The following TRIM37 variants were observed in gnomAD, a reference collection of about 807,000 sequenced individuals.
TRIM37 encodes tripartite motif containing 37.
In TRIM37, 80 loss-of-function variants were observed where a neutral mutation model predicts 129.8. The ratio of observed to expected loss-of-function variants is 0.62; its 90% CI spans 0.51 to 0.74. The LOEUF is 0.74. Among genes scored for constraint, TRIM37 ranks in the 30% least tolerant of loss-of-function variants. The probability of loss-of-function intolerance (pLI) is 0.00; values close to 1 mark genes in which losing one functional copy is unlikely to be tolerated. For missense variants in TRIM37, 1,054 were observed against 1,176.5 expected (o/e 0.90, Z 1.52); for synonymous variants, 389 against 387.1 (o/e 1.00, Z -0.06).
intron 21 of TRIM37, among the ~76,000 whole-genome samples, chr17:59,013,801 T>A (rs966393426): frequency 6.6e-6 from 1 of 152,126 alleles, no homozygotes; most frequent in Admixed American, 6.6e-5. Context: ...GTGCTGGGAT[T>A]ACAGGTGTGT....
intron 17 of TRIM37, among the ~76,000 whole-genome samples, chr17:59,036,902 C>T (rs888090599): frequency 6.6e-6 from 1 of 151,892 alleles, no homozygotes; most frequent in African/African-American, 2.4e-5. Flanking sequence ...CACTTGAGGT[C>T]AGGAGTTTGA....
At chr17:59,069,572 C>G (rs978691256) in intron 9 of TRIM37, among the ~76,000 whole-genome samples, 4 of 152,064 alleles carry the variant, frequency 2.6e-5, no homozygotes, top group African/African-American at 7.2e-5. Context: ...AAGTCTGTCA[C>G]ACCAAAATGT....
At chr17:59,100,908 G>A (rs547290706) in intron 2 of TRIM37, among the ~76,000 whole-genome samples, 1 of 151,916 alleles carries the variant, frequency 6.6e-6, no homozygotes, top group South Asian at 2.1e-4. Flanking sequence ...TATAATCCCA[G>A]CTACTTGGGA....
intron 24 of TRIM37, chr17:58,983,010 A>AATT (rs894263385): frequency 8.0e-7 from 1 of 1,251,026 alleles, no homozygotes; most frequent in African/African-American, 1.5e-5. Flanking sequence ...AGCTTTTTAA[A>AATT]ATTTCTATTG....
chr17:58,986,620 C>G (rs552373496), intron 24 of TRIM37, among the ~76,000 whole-genome samples: 3 of 148,700 alleles, frequency 2.0e-5, no homozygotes, highest in African/African-American at 7.4e-5. Context: ...TCAAGCAATT[C>G]TTGTGCCTCA....
chr17:59,046,076 G>C (rs1036538663), intron 16 of TRIM37, among the ~76,000 whole-genome samples: 1 of 151,854 alleles, frequency 6.6e-6, no homozygotes, highest in Admixed American at 6.6e-5. Flanking sequence ...CAGGGCAGAA[G>C]GAAAAGCTCT....
At chr17:59,015,045 C>G (rs1162280715) in intron 21 of TRIM37, among the ~76,000 whole-genome samples, 7 of 148,200 alleles carry the variant, frequency 4.7e-5, no homozygotes, top group Non-Finnish European at 7.4e-5. Flanking sequence ...CCACTGCACT[C>G]CAGCCTGGGC....
At chr17:59,091,261 A>G (rs780850187) in intron 3 of TRIM37, 39 bp downstream of exon 3, 5 of 1,549,726 alleles carry the variant, frequency 3.2e-6, no homozygotes, top group African/African-American at 1.4e-5. Context: ...TGATCTTACT[A>G]TTTTCAAAAT....
intron 3 of TRIM37, among the ~76,000 whole-genome samples, chr17:59,089,382 C>T (rs1283288704): frequency 2.0e-5 from 3 of 152,306 alleles, no homozygotes; most frequent in African/African-American, 7.2e-5. Flanking sequence ...GTGGCTCACA[C>T]CTGTAATCCC....
chr17:59,096,905 C>A (rs1279341872), intron 2 of TRIM37, among the ~76,000 whole-genome samples: 4 of 152,072 alleles, frequency 2.6e-5, no homozygotes, highest in Non-Finnish European at 5.9e-5. Flanking sequence ...ACTAATTCAA[C>A]AGACTATTTA....
Position 59,057,066 on chromosome 17 carries a change from A to C in TRIM37, c.1020-12T>G. The C allele has an allele frequency of 6.2e-7, 1 of 1,611,786 alleles. No homozygotes were observed. The highest frequency in any genetic ancestry group is 8.5e-7 in the Non-Finnish European group (1 of 1,178,142). Reference sequence around the variant, plus strand: ...CACGATATTCATATCTAAAATTGAAAAACAGACCATTACTATACAGTTAGT... The same window carrying C: ...CACGATATTCATATCTAAAATTGAACAACAGACCATTACTATACAGTTAGT... On this transcript the variant is annotated splice_polypyrimidine_tract_variant and intron_variant, in intron 12 of 23. Coordinates refer to ENST00000262294, the MANE Select transcript of TRIM37 (RefSeq NM_015294.6).
At chr17:58,993,636 G>A (rs527272542), downstream of TRIM37, among the ~76,000 whole-genome samples, 10 of 152,296 alleles carry the variant, frequency 6.6e-5, no homozygotes, top group East Asian at 5.8e-4. Context: ...TGTGGGGAAG[G>A]GGGGTGGTTA....
At chr17:58,985,074 G>T (rs965117153) in intron 24 of TRIM37, 7 of 152,626 alleles carry the variant, frequency 4.6e-5, no homozygotes, top group Non-Finnish European at 8.8e-5. Flanking sequence ...GAGTTCAGTT[G>T]TAGTCATGAG....
chr17:59,003,093 T>C (rs1489807279), intron 22 of TRIM37, among the ~76,000 whole-genome samples: 3 of 152,178 alleles, frequency 2.0e-5, no homozygotes, highest in African/African-American at 7.2e-5. Context: ...CCCAGACTGG[T>C]CTTCAACTCC....
chr17:59,020,406 T>C (rs555333403), intron 19 of TRIM37, among the ~76,000 whole-genome samples: 16 of 150,466 alleles, frequency 1.1e-4, no homozygotes, highest in African/African-American at 3.6e-4. Flanking sequence ...AAAACAGAAG[T>C]AAGCAATAAA....
chr17:58,999,778 A>T (rs1438391862), intron 23 of TRIM37, among the ~76,000 whole-genome samples: 1 of 152,250 alleles, frequency 6.6e-6, no homozygotes. Context: ...GCAATGGTGT[A>T]TATTCTCAAG....
chr17:59,055,332 CAAAAAAAA>C (rs34519741), intron 13 of TRIM37, among the ~76,000 whole-genome samples: 8 of 65,656 alleles, frequency 1.2e-4, no homozygotes, highest in African/African-American at 4.4e-4. Flanking sequence ...AACTCTGTCT[CAAAAAAAA>C]AAAAAAAAAA....
At chr17:58,975,865 G>A in the TRIM37 span, among the ~76,000 whole-genome samples, 1 of 152,180 alleles carries the variant, frequency 6.6e-6, no homozygotes, top group East Asian at 1.9e-4. Flanking sequence ...GTTTGTTACA[G>A]AGATGAGGAG....
the TRIM37 span, among the ~76,000 whole-genome samples, chr17:58,977,259 A>G: frequency 6.6e-6 from 1 of 152,072 alleles, no homozygotes; most frequent in East Asian, 1.9e-4. Flanking sequence ...CCTGACCAAC[A>G]TGGTGAAACC....
Sources: gnomAD v4.1 joint callset for allele counts (sites outside exome capture counted in the v4.1 genomes callset) on GRCh38, gnomAD v4.1.1 for gene constraint, MANE v1.5 for transcripts, NCBI Gene and HGNC (gene_info 2026-07-23, HGNC 2026-07-21) for gene names.